Variants in SLC24A2 observed in about 807,000 individuals in gnomAD.
The protein encoded by SLC24A2 is sodium/potassium/calcium exchanger 2.
A neutral mutation model predicts 62.0 loss-of-function variants in SLC24A2; 36 were observed. The ratio of observed to expected loss-of-function variants is 0.58; its 90% CI spans 0.44 to 0.77. SLC24A2 has a LOEUF of 0.77. SLC24A2 is among the 30% of genes least tolerant of loss of function. SLC24A2 has a pLI of 0.00. For missense variants in SLC24A2, 846 were observed against 817.9 expected, an observed-to-expected ratio of 1.03 and a Z score of -0.42; for synonymous variants, 358 against 294.0, an observed-to-expected ratio of 1.22 and a Z score of -2.23.
At chr9:19,967,842 G>A in the SLC24A2 span, 4 of 152,188 alleles carry the variant, frequency 2.6e-5, no homozygotes, top group African/African-American at 9.7e-5. Flanking sequence ...CACCAGGTGG[G>A]AAAATACAGG....
intron 7 of SLC24A2, among the ~76,000 whole-genome samples, chr9:19,565,762 C>T (rs1563970297): frequency 1.3e-5 from 2 of 152,198 alleles, no homozygotes; most frequent in African/African-American, 2.4e-5. Context: ...GGTACCAAAA[C>T]AGAAATATAG....
At chr9:19,777,721 A>C (rs1343035472) in intron 2 of SLC24A2, among the ~76,000 whole-genome samples, 1 of 152,154 alleles carries the variant, frequency 6.6e-6, no homozygotes, top group Non-Finnish European at 1.5e-5. Context: ...GTCTATGTAC[A>C]TATGCATGTG....
the SLC24A2 span, among the ~76,000 whole-genome samples, chr9:20,240,467 C>A: frequency 6.6e-6 from 1 of 152,146 alleles, no homozygotes; most frequent in Admixed American, 6.5e-5. Context: ...AAGCATCACG[C>A]TGTGGGATTT....
At chr9:19,734,317 C>T (rs71335919) in intron 2 of SLC24A2, among the ~76,000 whole-genome samples, 13 of 152,092 alleles carry the variant, frequency 8.5e-5, no homozygotes, top group African/African-American at 1.4e-4. Context: ...AGTCAGGTAG[C>T]GTGATGCCTC....
At chr9:19,679,224 T>C (rs1382286816) in intron 2 of SLC24A2, among the ~76,000 whole-genome samples, 2 of 152,166 alleles carry the variant, frequency 1.3e-5, no homozygotes. Context: ...ATAGTGTCTT[T>C]AGGTTTATTA....
At chr9:19,578,545 C>G (rs1412042160) in intron 5 of SLC24A2, among the ~76,000 whole-genome samples, 1 of 55,222 alleles carries the variant, frequency 1.8e-5, no homozygotes, top group Non-Finnish European at 3.3e-5. Context: ...TACAGTTTTC[C>G]CACGATGTAT....
the SLC24A2 span, among the ~76,000 whole-genome samples, chr9:20,078,581 C>T: frequency 6.6e-6 from 1 of 152,162 alleles, no homozygotes; most frequent in African/African-American, 2.4e-5. Flanking sequence ...AACAATCCCA[C>T]CCAGGCAGGC....
chr9:20,058,632 C>T, the SLC24A2 span, among the ~76,000 whole-genome samples: 3 of 152,130 alleles, frequency 2.0e-5, no homozygotes, highest in South Asian at 2.1e-4. Flanking sequence ...ATATCAAATA[C>T]AGGCTGCATG....
At chr9:20,244,350 G>A in the SLC24A2 span, among the ~76,000 whole-genome samples, 9 of 152,260 alleles carry the variant, frequency 5.9e-5, no homozygotes, top group African/African-American at 2.2e-4. Flanking sequence ...TAAAGAGCAG[G>A]AAGGAGGGAA....
At chr9:20,003,141 G>C in the SLC24A2 span, among the ~76,000 whole-genome samples, 1 of 152,158 alleles carries the variant, frequency 6.6e-6, no homozygotes, top group African/African-American at 2.4e-5. Flanking sequence ...CTATATGAGA[G>C]GATTCCCCCA....
the SLC24A2 span, among the ~76,000 whole-genome samples, chr9:20,095,569 A>G: frequency 2.0e-5 from 3 of 151,966 alleles, no homozygotes; most frequent in South Asian, 2.1e-4. Context: ...TTTTTTTTCT[A>G]CTTCCAGACT....
upstream of SLC24A2, among the ~76,000 whole-genome samples, chr9:19,789,289 C>A (rs1266516264): frequency 2.0e-5 from 3 of 152,238 alleles, no homozygotes; most frequent in African/African-American, 7.2e-5. Context: ...GTCGGTGACG[C>A]GCCTAATTCA....
Position 19,788,982 on chromosome 9 carries a change from C to G in SLC24A2, c.-251G>C. The G allele has an allele frequency of 2.0e-6, 2 of 979,818 alleles. No individual in the cohort carries two copies. The highest frequency in any genetic ancestry group is 2.4e-6 in the Non-Finnish European group (2 of 824,814). 60.7% of individuals were successfully genotyped at this position (979,818 alleles called of 1,614,324 possible). A position where few individuals can be genotyped will look rare whatever the true frequency, so the allele number is the denominator to read the frequency against. ...CCGCCTACCCGCTCTGAGGCCCGGGCTCTGGCTCGCACTGGCTGCCGCTCT... is the reference window on the plus strand; with the variant it reads ...CCGCCTACCCGCTCTGAGGCCCGGGGTCTGGCTCGCACTGGCTGCCGCTCT... On this transcript the variant is annotated 5_prime_UTR_variant, in exon 1 of 11. Coordinates refer to ENST00000341998, the MANE Select transcript of SLC24A2 (RefSeq NM_020344.4).
chr9:20,216,852 T>C, the SLC24A2 span, among the ~76,000 whole-genome samples: 1 of 152,206 alleles, frequency 6.6e-6, no homozygotes, highest in African/African-American at 2.4e-5. Flanking sequence ...ATAGTCACGA[T>C]TGGTTGTTTC....
chr9:19,925,237 T>A, the SLC24A2 span, among the ~76,000 whole-genome samples: 1 of 152,218 alleles, frequency 6.6e-6, no homozygotes, highest in African/African-American at 2.4e-5. Context: ...TATATAGATT[T>A]ATAGTGACCC....
intron 2 of SLC24A2, among the ~76,000 whole-genome samples, chr9:19,726,683 C>T (rs771932924): frequency 6.6e-6 from 1 of 152,180 alleles, no homozygotes; most frequent in Non-Finnish European, 1.5e-5. Flanking sequence ...ATGCATATGA[C>T]TCACTTAAAA....
the SLC24A2 span, among the ~76,000 whole-genome samples, chr9:20,019,697 C>A: frequency 6.6e-6 from 1 of 152,032 alleles, no homozygotes; most frequent in Admixed American, 6.6e-5. Context: ...AAAGAAATGG[C>A]AACAAAAGCC....
the SLC24A2 span, among the ~76,000 whole-genome samples, chr9:20,087,434 C>G: frequency 2.0e-5 from 3 of 152,096 alleles, no homozygotes; most frequent in African/African-American, 7.2e-5. Context: ...ATATATCAGG[C>G]CTCATGTGAA....
chr9:19,723,289 T>C (rs140384455), intron 2 of SLC24A2, among the ~76,000 whole-genome samples: 1 of 152,174 alleles, frequency 6.6e-6, no homozygotes, highest in Non-Finnish European at 1.5e-5. Context: ...CTTATTCTAT[T>C]TTTGTTGCAC....
Sources: allele counts gnomAD v4.1 joint callset (sites outside exome capture counted in the v4.1 genomes callset), GRCh38; gene constraint gnomAD v4.1.1; transcripts MANE v1.5; gene names NCBI Gene and HGNC (gene_info 2026-07-23, HGNC 2026-07-21).